Variants in SORCS2 observed in about 807,000 individuals in gnomAD.
The protein encoded by SORCS2 is sortilin related VPS10 domain containing receptor 2.
In SORCS2, 100 loss-of-function variants were observed where a neutral mutation model predicts 141.6. That is an observed-to-expected ratio of 0.71 (90% CI 0.60 to 0.83). SORCS2 has a LOEUF of 0.83. Ranked by LOEUF, SORCS2 falls within the 40% of genes least tolerant of loss-of-function variation. The pLI is 0.00. For missense variants in SORCS2, 1,646 were observed against 1,560.2 expected (o/e 1.05, Z -0.93); for synonymous variants, 789 against 676.9 (o/e 1.17, Z -2.57).
chr4:7,506,193 C>T (rs1012274142), intron 2 of SORCS2, among the ~76,000 whole-genome samples: 6 of 152,172 alleles, frequency 3.9e-5, no homozygotes, highest in South Asian at 2.1e-4. Context: ...GTGAACAGCG[C>T]GTGAGAAAAG....
chr4:7,688,219 G>A (rs186605309), intron 10 of SORCS2, among the ~76,000 whole-genome samples: 9 of 152,244 alleles, frequency 5.9e-5, no homozygotes, highest in South Asian at 2.1e-4. Context: ...ATATGATACC[G>A]CAATGACGAG....
At chr4:7,492,319 G>T (rs562238757) in intron 2 of SORCS2, among the ~76,000 whole-genome samples, 9 of 152,180 alleles carry the variant, frequency 5.9e-5, no homozygotes, top group Non-Finnish European at 1.3e-4. Context: ...CTATGAGGTC[G>T]CGCGGTATTT....
At chr4:7,368,493 C>A (rs533776356) in intron 1 of SORCS2, among the ~76,000 whole-genome samples, 13 of 152,142 alleles carry the variant, frequency 8.5e-5, no homozygotes, top group Admixed American at 6.5e-4. Context: ...TCCACTGGGT[C>A]CCCCCAGCAG....
chr4:7,561,789 G>A (rs898474220), intron 3 of SORCS2, among the ~76,000 whole-genome samples: 2 of 118,840 alleles, frequency 1.7e-5, no homozygotes, highest in Non-Finnish European at 3.5e-5. Context: ...CTGTCCATTT[G>A]CCCATCTGTC....
chr4:7,271,963 G>A (rs1715167370), intron 1 of SORCS2, among the ~76,000 whole-genome samples: 2 of 152,244 alleles, frequency 1.3e-5, no homozygotes, highest in South Asian at 4.1e-4. Context: ...GCAGCAGGGA[G>A]CTCTGCGGGC....
intron 16 of SORCS2, 128 bp downstream of exon 16, chr4:7,714,501 C>G: frequency 9.8e-7 from 1 of 1,017,838 alleles, no homozygotes; most frequent in South Asian, 1.6e-5. Flanking sequence ...CACAGTCGCA[C>G]ACTGCCACTT....
In SORCS2 at chr4:7,578,047, G is replaced by A. The variant is rs1254776399; in HGVS notation, c.648+46418G>A. Reference sequence around the variant, plus strand: ...GTGACCAAAGTGGCCATGTTGGGAGGGAGGCCTAGTGGGAGATGTTAGGCT... The same window carrying A: ...GTGACCAAAGTGGCCATGTTGGGAGAGAGGCCTAGTGGGAGATGTTAGGCT... On this transcript the variant is annotated intron_variant, in intron 3 of 26. Transcript: ENST00000507866. 2.0e-5 allele frequency among the ~76,000 whole-genome samples: 3 copies of A among 152,206 alleles called. 1 individual carries two copies. The highest frequency in any genetic ancestry group is 4.4e-5 in the Non-Finnish European group (3 of 68,038).
intron 1 of SORCS2, among the ~76,000 whole-genome samples, chr4:7,262,375 T>TATCC (rs61111993): frequency 0.027 from 3,640 of 137,114 alleles, 68 homozygotes; most frequent in African/African-American, 0.043. Context: ...CCTATCCATC[T>TATCC]ATCCATCCAT....
At chr4:7,268,873 A>T (rs1714923582) in intron 1 of SORCS2, among the ~76,000 whole-genome samples, 1 of 151,596 alleles carries the variant, frequency 6.6e-6, no homozygotes, top group South Asian at 2.1e-4. Flanking sequence ...GATGCCACAG[A>T]TGGAGGAGGC....
intron 1 of SORCS2, among the ~76,000 whole-genome samples, chr4:7,321,014 G>A (rs1718863964): frequency 6.6e-6 from 1 of 151,806 alleles, no homozygotes; most frequent in African/African-American, 2.4e-5. Context: ...TAGTGGGGAA[G>A]TCTGAGATTT....
intron 1 of SORCS2, among the ~76,000 whole-genome samples, chr4:7,261,948 C>T (rs1714357276): frequency 6.6e-6 from 1 of 152,196 alleles, no homozygotes; most frequent in African/African-American, 2.4e-5. Flanking sequence ...TTGCCATTTG[C>T]ATTTCATTCT....
chr4:7,450,666 G>A (rs1478346331), intron 2 of SORCS2, among the ~76,000 whole-genome samples: 1 of 152,256 alleles, frequency 6.6e-6, no homozygotes, highest in Non-Finnish European at 1.5e-5. Context: ...TGGCACATGG[G>A]ACATGTACAT....
chr4:7,410,587 T>A (rs1414326909), intron 2 of SORCS2, among the ~76,000 whole-genome samples: 1 of 152,198 alleles, frequency 6.6e-6, no homozygotes, highest in East Asian at 1.9e-4. Context: ...GAGGTCTGTT[T>A]CCTTCCTTCT....
At chr4:7,673,637 A>G (rs1577926730) in intron 8 of SORCS2, among the ~76,000 whole-genome samples, 1 of 152,284 alleles carries the variant, frequency 6.6e-6, no homozygotes, top group South Asian at 2.1e-4. Context: ...TCTAGGGGGC[A>G]CCAGTCATAA....
rs190872127 is a variant in SORCS2 at position 7,459,276 on chromosome 4, C to A, written c.548+62921C>A. 2.1e-4 allele frequency among the ~76,000 whole-genome samples: 32 copies of A among 152,166 alleles called. No individual in the cohort carries two copies. The East Asian group carries it at 5.2e-3, about 25-fold the overall frequency. Reference sequence around the variant, plus strand: ...TATAGAAGAGGGAGGATCCTTTGCACCCCTAAGTATTGCTATGGAGAAGGC... The same window carrying A: ...TATAGAAGAGGGAGGATCCTTTGCAACCCTAAGTATTGCTATGGAGAAGGC... On this transcript the variant is annotated intron_variant, in intron 2 of 26. Transcript: ENST00000507866.
At chr4:7,628,273 A>G (rs1409989275) in intron 3 of SORCS2, among the ~76,000 whole-genome samples, 1 of 152,188 alleles carries the variant, frequency 6.6e-6, no homozygotes, top group Non-Finnish European at 1.5e-5. Context: ...CTGTAATCCC[A>G]GCACCTTCGG....
intron 14 of SORCS2, among the ~76,000 whole-genome samples, chr4:7,711,305 C>T (rs1230581506): frequency 6.6e-6 from 1 of 152,206 alleles, no homozygotes; most frequent in Non-Finnish European, 1.5e-5. Flanking sequence ...GATGCTCAGA[C>T]CCAGCTGTCA....
intron 2 of SORCS2, among the ~76,000 whole-genome samples, chr4:7,448,274 C>T (rs1004038846): frequency 6.6e-6 from 1 of 152,090 alleles, no homozygotes; most frequent in African/African-American, 2.4e-5. Context: ...AGGGGCATCT[C>T]CCACGTCACC....
intron 4 of SORCS2, among the ~76,000 whole-genome samples, chr4:7,649,451 CT>C (rs1721298155): frequency 6.6e-6 from 1 of 152,050 alleles, no homozygotes; most frequent in African/African-American, 2.4e-5. Context: ...CAGGTGTGCT[CT>C]GCAGCTGCAG....
Sources: allele counts gnomAD v4.1 joint callset (sites outside exome capture counted in the v4.1 genomes callset), GRCh38; gene constraint gnomAD v4.1.1; transcripts MANE v1.5; gene names NCBI Gene and HGNC (gene_info 2026-07-23, HGNC 2026-07-21).